CHST12: variants seen among roughly 807,000 people sequenced by gnomAD.
CHST12 encodes carbohydrate (chondroitin 4) sulfotransferase 12.
A neutral mutation model predicts 27.9 loss-of-function variants in CHST12; 23 were observed. The ratio of observed to expected loss-of-function variants is 0.82; its 90% CI spans 0.59 to 1.17. The LOEUF is 1.17. CHST12 is among the 50% of genes most tolerant of loss of function. CHST12 has a pLI of 0.00. For missense variants in CHST12, 682 were observed against 603.0 expected (o/e 1.13, Z -1.37); for synonymous variants, 322 against 273.0 (o/e 1.18, Z -1.77).
At chr7:2,408,446 G>A (rs1200400591) in intron 1 of CHST12, among the ~76,000 whole-genome samples, 1 of 150,496 alleles carries the variant, frequency 6.6e-6, no homozygotes, top group Non-Finnish European at 1.5e-5. Flanking sequence ...AACAAGAGGA[G>A]AAAGTAAAAA....
intron 1 of CHST12, among the ~76,000 whole-genome samples, chr7:2,431,979 A>C (rs768903427): frequency 4.6e-5 from 7 of 151,898 alleles, no homozygotes; most frequent in Non-Finnish European, 1.5e-5. Context: ...CACTGATCAC[A>C]GTTATTCTTG....
chr7:2,423,576 G>A (rs1782032899), intron 1 of CHST12, among the ~76,000 whole-genome samples: 1 of 152,216 alleles, frequency 6.6e-6, no homozygotes. Context: ...GCCACAGGGC[G>A]GGAGGAGGTT....
At chr7:2,412,528 A>T (rs924713589) in intron 1 of CHST12, among the ~76,000 whole-genome samples, 11 of 152,232 alleles carry the variant, frequency 7.2e-5, no homozygotes, top group African/African-American at 2.4e-4. Flanking sequence ...ATTGAAGGTC[A>T]TGTCACTTGA....
intron 1 of CHST12, among the ~76,000 whole-genome samples, chr7:2,428,320 G>A (rs1220557653): frequency 6.6e-6 from 1 of 151,636 alleles, no homozygotes; most frequent in Non-Finnish European, 1.5e-5. Flanking sequence ...TCAGCCTCCT[G>A]AGTATCTGGG....
intron 1 of CHST12, among the ~76,000 whole-genome samples, chr7:2,430,649 A>C (rs1423298303): frequency 6.6e-6 from 1 of 150,506 alleles, no homozygotes; most frequent in Non-Finnish European, 1.5e-5. Context: ...AGACAGTTTC[A>C]CCATGTTGGC....
intron 1 of CHST12, among the ~76,000 whole-genome samples, chr7:2,412,964 A>G (rs916404878): frequency 6.6e-6 from 1 of 152,126 alleles, no homozygotes; most frequent in Non-Finnish European, 1.5e-5. Context: ...AAAATAACAC[A>G]TATTTGTGTA....
At chr7:2,421,020 A>T (rs988154547) in intron 1 of CHST12, among the ~76,000 whole-genome samples, 1 of 151,464 alleles carries the variant, frequency 6.6e-6, no homozygotes, top group African/African-American at 2.4e-5. Context: ...GAGTCACTGC[A>T]CCTGGCCCCT....
chr7:2,407,803 G>A (rs1408596742), intron 1 of CHST12, among the ~76,000 whole-genome samples: 2 of 152,082 alleles, frequency 1.3e-5, no homozygotes, highest in Non-Finnish European at 2.9e-5. Flanking sequence ...GGTGGTGGGT[G>A]CCTGTAATCC....
At chr7:2,422,773 A>G (rs1782011485) in intron 1 of CHST12, among the ~76,000 whole-genome samples, 1 of 151,080 alleles carries the variant, frequency 6.6e-6, no homozygotes, top group Admixed American at 6.6e-5. Context: ...TGACTTTGTG[A>G]TCCACCTGCC....
In CHST12 at chr7:2,429,641, T is replaced by A. The variant is rs150278503; in HGVS notation, c.-77-2922T>A. 5.0e-3 allele frequency among the ~76,000 whole-genome samples: 767 copies of A among 152,296 alleles called. 5 individuals carry two copies. The highest frequency in any genetic ancestry group is 0.018 in the African/African-American group (747 of 41,570). On this transcript the variant is annotated intron_variant, in intron 1 of 1. Coordinates refer to ENST00000618655, the MANE Select transcript of CHST12 (RefSeq NM_018641.5). The stretch of plus-strand genomic sequence containing the variant: ...AAGGAATTGGTCTGTTTCATCTAGG[T>A]TGCTAAATTTGTGGGCGTAAAATTG...
Position 2,442,645 on chromosome 7 carries a change from G to C in CHST12, c.*8761G>C, listed in dbSNP as rs1219921416. 3 of 152,290 alleles carry C rather than the reference G, an allele frequency of 2.0e-5. No individual in the cohort carries two copies. Among genetic ancestry groups the C allele is most frequent in the Non-Finnish European group, 4.4e-5 (3 of 68,140 alleles). The allele number at this position is 152,290 out of a possible 1,614,324, so 9.4% of individuals were successfully genotyped here. ...CCCAAACTGCTGGGATTACAGGCAT[G>C]AGACACCACGCCCCGCCGAGTCCCT... On this transcript the variant is annotated 3_prime_UTR_variant, in exon 2 of 2. Coordinates refer to ENST00000618655, the MANE Select transcript of CHST12 (RefSeq NM_018641.5).
chr7:2,448,402 C>G lies in CHST12; in HGVS notation c.*14518C>G, dbSNP rs569568396. 6.6e-6 allele frequency: 1 copy of G among 152,414 alleles called. No individual in the cohort carries two copies. Among genetic ancestry groups the G allele is most frequent in the African/African-American group, 2.4e-5 (1 of 41,442 alleles). The allele number at this position is 152,414 out of a possible 1,614,324, so 9.4% of individuals were successfully genotyped here. A position where few individuals can be genotyped will look rare whatever the true frequency, so the allele number is the denominator to read the frequency against. On this transcript the variant is annotated 3_prime_UTR_variant, in exon 2 of 2. Coordinates refer to ENST00000618655, the MANE Select transcript of CHST12 (RefSeq NM_018641.5). ...CACCCACCAGTCCTTGTCCAAACCTCGAAGCTCAGGACCTCACAGAGCACC... is the reference window on the plus strand; with the variant it reads ...CACCCACCAGTCCTTGTCCAAACCTGGAAGCTCAGGACCTCACAGAGCACC...
Position 2,434,578 on chromosome 7 carries a change from CTAAAAA to C in CHST12, c.*695_*700del, listed in dbSNP as rs1782422939. ...CCAACATGGTGAAACCCTGTCTCTA[CTAAAAA>C]AAAAAAAAAAAAAAAAAAAAAAAAA... On this transcript the variant is annotated 3_prime_UTR_variant, in exon 2 of 2. Coordinates refer to ENST00000618655, the MANE Select transcript of CHST12 (RefSeq NM_018641.5). 4.9e-5 allele frequency: 1 copy of C among 20,536 alleles called. No homozygotes were observed. The highest frequency in any genetic ancestry group is 9.2e-4 in the Admixed American group (1 of 1,082). The allele number at this position is 20,536 out of a possible 1,614,324, so 1.3% of individuals were successfully genotyped here.
intron 1 of CHST12, 46 bp downstream of exon 1, chr7:2,403,719 C>G (rs1266692282): frequency 6.5e-6 from 1 of 152,692 alleles, no homozygotes; most frequent in South Asian, 1.8e-4. Context: ...GTCTCCCTCT[C>G]TCTCGGCCAG....
chr7:2,439,139 CA>C lies in CHST12; in HGVS notation c.*5256del, dbSNP rs1782542935. The C allele has an allele frequency of 6.6e-6, 1 of 152,190 alleles. No individual in the cohort carries two copies. Among genetic ancestry groups the C allele is most frequent in the South Asian group, 2.1e-4 (1 of 4,824 alleles). 9.4% of individuals were successfully genotyped at this position (152,190 alleles called of 1,614,324 possible). A position where few individuals can be genotyped will look rare whatever the true frequency, so the allele number is the denominator to read the frequency against. ...GGTTGGATTTCTAGCGTTTCACATA[CA>C]GGATCTAGACTCGCACACAACTGCA... On this transcript the variant is annotated 3_prime_UTR_variant, in exon 2 of 2. Coordinates refer to ENST00000618655, the MANE Select transcript of CHST12 (RefSeq NM_018641.5).
In CHST12 at chr7:2,432,855, G is replaced by C. The variant is rs751363984; in HGVS notation, c.216G>C (p.Lys72Asn). ...CCGATGTCGACGAGTTTCTGGACAA[G>C]TTTCTCAGTGCTGGCGTGAAGCAGA... is the stretch of plus-strand genomic sequence containing the variant. Reference protein sequence around the residue: ...ADSDVDEFLDKFLSAGVKQSD... With the variant: ...ADSDVDEFLDNFLSAGVKQSD... Residue 72 changes from lysine to asparagine, a missense_variant, in exon 2 of 2, where the codon AAG (lysine) becomes AAC (asparagine). Lys to Asn is a moderately conservative substitution (Grantham distance 94). Transcript: ENST00000618655. 18 of 1,613,828 alleles carry C rather than the reference G, an allele frequency of 1.1e-5. No individual in the cohort carries two copies. In the East Asian group the frequency reaches 4.0e-4, roughly 36 times the overall value.
chr7:2,413,117 A>C (rs531360963), intron 1 of CHST12, among the ~76,000 whole-genome samples: 1 of 152,348 alleles, frequency 6.6e-6, no homozygotes, highest in East Asian at 1.9e-4. Flanking sequence ...AGAAAGGCCT[A>C]GTTTGTTCTT....
chr7:2,434,095 C>G lies in CHST12; in HGVS notation c.*211C>G, dbSNP rs1290426948. On this transcript the variant is annotated 3_prime_UTR_variant, in exon 2 of 2. Coordinates refer to ENST00000618655, the MANE Select transcript of CHST12 (RefSeq NM_018641.5). The stretch of plus-strand genomic sequence containing the variant: ...GGAATGCTGGAGTAAAATATCCCCT[C>G]TCCCCTCCGCCCGCCCACCCGCCCG... 7 of 442,542 alleles carry G rather than the reference C, an allele frequency of 1.6e-5. No homozygotes were observed. The East Asian group carries it at 2.6e-4, about 16-fold the overall frequency. 27.4% of individuals were successfully genotyped at this position (442,542 alleles called of 1,614,324 possible).
At chr7:2,404,939 C>T (rs1008983885) in intron 1 of CHST12, among the ~76,000 whole-genome samples, 1 of 152,178 alleles carries the variant, frequency 6.6e-6, no homozygotes, top group Non-Finnish European at 1.5e-5. Flanking sequence ...TCACGGCCAG[C>T]CTGGCTACAA....
Sources: allele counts gnomAD v4.1 joint callset (sites outside exome capture counted in the v4.1 genomes callset), GRCh38; gene constraint gnomAD v4.1.1; transcripts MANE v1.5; gene names NCBI Gene and HGNC (gene_info 2026-07-23, HGNC 2026-07-21).